Variants in ABCA4 observed in about 807,000 individuals in gnomAD.
ABCA4 encodes ATP binding cassette subfamily A member 4.
Under a neutral mutation model 263.7 loss-of-function variants are expected in ABCA4, and 196 were observed. The ratio of observed to expected loss-of-function variants is 0.74; its 90% CI spans 0.66 to 0.84. The LOEUF (loss-of-function observed/expected upper bound fraction) is 0.84, where lower values mean the gene tolerates loss of function less well. Among genes scored for constraint, ABCA4 ranks in the 40% least tolerant of loss-of-function variants. The pLI, the probability that ABCA4 is intolerant of heterozygous loss-of-function variation, is 0.00. For synonymous variants in ABCA4, 1,133 were observed against 1,094.2 expected, an observed-to-expected ratio of 1.04 and a Z score of -0.70; for missense variants, 2,792 against 2,855.1, an observed-to-expected ratio of 0.98 and a Z score of 0.50.
chr1:94,001,046 C>T lies in ABCA4; in HGVS notation c.6342G>A (p.Val2114=), dbSNP rs61748520. The T allele has an allele frequency of 8.7e-6, 14 of 1,614,078 alleles. No individual in the cohort carries two copies. Among genetic ancestry groups the T allele is most frequent in the African/African-American group, 1.3e-5 (1 of 74,928 alleles). ...CAGCCCTCCCTTCTCTGATGATGCT[C>T]ACGATGACGTTCCACAGCATGCGGC... The part of the protein sequence containing the change: ...QARRMLWNVI[V]SIIREGRAVV... Residue 2114 remains valine (V), a synonymous_variant, in exon 46 of 50, where the codon GTG becomes GTA. Transcript: ENST00000370225.
intron 48 of ABCA4, 84 bp downstream of exon 48, chr1:93,997,777 C>T: frequency 6.4e-7 from 1 of 1,567,922 alleles, no homozygotes; most frequent in Non-Finnish European, 8.7e-7. Flanking sequence ...GAATGTTATG[C>T]CTCCCTCTTA....
chr1:94,011,428 A>AC lies in ABCA4; in HGVS notation c.5461-44dup, dbSNP rs281865391. 791 of 1,610,364 alleles carry AC rather than the reference A, an allele frequency of 4.9e-4. 1 individual carries two copies. The highest frequency in any genetic ancestry group is 6.6e-4 in the Middle Eastern group (4 of 6,052). ...GACTGTTGGAAACGGGGCAAACCCC[A>AC]CCCCCCCTCTCTTCAGCAGGTGGGG... On this transcript the variant is annotated intron_variant, in intron 38 of 49. Transcript: ENST00000370225.
chr1:94,063,009 A>T, intron 12 of ABCA4, 103 bp downstream of exon 12: 1 of 1,227,464 alleles, frequency 8.1e-7, no homozygotes, highest in Non-Finnish European at 1.2e-6. Flanking sequence ...TATTTAACTT[A>T]ATTTTATTGA....
At chr1:94,063,422 G>T in intron 11 of ABCA4, 105 bp from the exon 12 acceptor site, 1 of 1,136,070 alleles carries the variant, frequency 8.8e-7, no homozygotes, top group Non-Finnish European at 1.3e-6. Context: ...CCAGGAAATG[G>T]TCAAATGCAA....
At chr1:93,996,058 C>G (rs1453913365) in intron 49 of ABCA4, 51 bp downstream of exon 49, 6 of 1,556,356 alleles carry the variant, frequency 3.9e-6, no homozygotes, top group Non-Finnish European at 5.3e-6. Context: ...CAGCTGGGCT[C>G]TGAGCCAAGG....
intron 6 of ABCA4, among the ~76,000 whole-genome samples, chr1:94,097,779 T>C (rs1162732145): frequency 1.3e-5 from 2 of 152,198 alleles, no homozygotes; most frequent in African/African-American, 4.8e-5. Flanking sequence ...AGACGGAGTC[T>C]TGCTCTGTCA....
At chr1:94,060,213 A>G (rs1054294319) in intron 14 of ABCA4, among the ~76,000 whole-genome samples, 10 of 152,200 alleles carry the variant, frequency 6.6e-5, no homozygotes, top group Non-Finnish European at 1.3e-4. Context: ...GAAAGAGAAG[A>G]CCACTTTAAT....
At chr1:94,084,150 T>C (rs770083795) in intron 6 of ABCA4, among the ~76,000 whole-genome samples, 1 of 152,200 alleles carries the variant, frequency 6.6e-6, no homozygotes. Flanking sequence ...ACATCTGGTT[T>C]TCTGGAAACC....
chr1:94,004,090 A>G (rs922982198), intron 44 of ABCA4, among the ~76,000 whole-genome samples: 4 of 152,202 alleles, frequency 2.6e-5, no homozygotes, highest in African/African-American at 4.8e-5. Flanking sequence ...CAAAAGCCTG[A>G]GTGCTAAGTG....
In ABCA4 at chr1:94,001,871, G is replaced by C; in HGVS notation, c.6269C>G (p.Pro2090Arg). 1 of 1,614,232 alleles carries C rather than the reference G, an allele frequency of 6.2e-7. No homozygotes were observed. Among genetic ancestry groups the C allele is most frequent in the Non-Finnish European group, 8.5e-7 (1 of 1,180,040 alleles). Reference sequence around the variant, plus strand: ...GCCCGCAGTTACCAGCAGCACCAGCGGTGGGCAGCCAATGAGTGCGATGGC... The same window carrying C: ...GCCCGCAGTTACCAGCAGCACCAGCCGTGGGCAGCCAATGAGTGCGATGGC... ...STAIALIGCPPLVLLDEPTTG... is the reference protein window; with the variant it reads ...STAIALIGCPRLVLLDEPTTG... The change falls in exon 45 of 50, where the codon CCG becomes CGG. Residue 2090 changes from proline to arginine, a missense_variant. By Grantham distance (103) the Pro-to-Arg change is moderately radical. Transcript: ENST00000370225.
Position 94,062,651 on chromosome 1 carries a change from C to T in ABCA4, c.1863G>A (p.Arg621=), listed in dbSNP as rs1557787418. 3 of 1,614,174 alleles carry T rather than the reference C, an allele frequency of 1.9e-6. No individual in the cohort carries two copies. Among genetic ancestry groups the T allele is most frequent in the South Asian group, 1.1e-5 (1 of 91,078 alleles). Residue 621 remains arginine (R), a synonymous_variant, in exon 13 of 50, where the codon AGG becomes AGA. Coordinates refer to ENST00000370225, the MANE Select transcript of ABCA4 (RefSeq NM_000350.3). ...LQDMVEQGIT[R]SQVQAEAPVG... The stretch of plus-strand genomic sequence containing the variant: ...CTGGAGCCTCCGCCTGCACCTGGCT[C>T]CTTGTGATCCCCTGTTCAACCATGT...
intron 45 of ABCA4, chr1:94,001,560 C>G (rs755002307): frequency 1.2e-5 from 7 of 590,102 alleles, no homozygotes; most frequent in African/African-American, 7.3e-5. Context: ...GACCAGACAC[C>G]GACAGGCCGC....
chr1:94,060,524 C>T lies in ABCA4; in HGVS notation c.2160+13G>A. 6.2e-7 allele frequency: 1 copy of T among 1,611,882 alleles called. No individual in the cohort carries two copies. Among genetic ancestry groups the T allele is most frequent in the Non-Finnish European group, 8.5e-7 (1 of 1,178,794 alleles). On this transcript the variant is annotated intron_variant, in intron 14 of 49. Coordinates refer to ENST00000370225, the MANE Select transcript of ABCA4 (RefSeq NM_000350.3). The stretch of plus-strand genomic sequence containing the variant: ...GTATTCAAGATTTTCTGGGCCTTCT[C>T]CATTTGGCTTACCATGATGAATATC...
intron 4 of ABCA4, among the ~76,000 whole-genome samples, chr1:94,108,006 G>A (rs1194073815): frequency 6.6e-6 from 1 of 152,100 alleles, no homozygotes; most frequent in Admixed American, 6.5e-5. Flanking sequence ...TCAGCCCGCT[G>A]CCTGTTGACC....
chr1:94,065,836 C>A (rs1050441916), intron 11 of ABCA4, among the ~76,000 whole-genome samples: 5 of 152,102 alleles, frequency 3.3e-5, no homozygotes, highest in African/African-American at 1.2e-4. Flanking sequence ...TTCAGTGACA[C>A]CATGCTAATG....
chr1:94,032,254 C>T (rs1361542166), intron 26 of ABCA4, among the ~76,000 whole-genome samples: 3 of 152,074 alleles, frequency 2.0e-5, no homozygotes, highest in Non-Finnish European at 4.4e-5. Flanking sequence ...CTGAAATTGC[C>T]TTAAAATTCT....
At chr1:94,011,942 C>T (rs1659558653) in intron 38 of ABCA4, among the ~76,000 whole-genome samples, 5 of 150,106 alleles carry the variant, frequency 3.3e-5, no homozygotes, top group Admixed American at 2.7e-4. Flanking sequence ...CTCTGCTTTT[C>T]AGCCCCTCAC....
At chr1:94,058,030 G>A (rs569957810) in intron 14 of ABCA4, among the ~76,000 whole-genome samples, 1 of 152,194 alleles carries the variant, frequency 6.6e-6, no homozygotes, top group East Asian at 1.9e-4. Flanking sequence ...ATGGGCATGC[G>A]AGAGCTGAGT....
rs764862250 is a variant in ABCA4, at chr1:94,021,918, T to C, written c.4701A>G (p.Pro1567=). Residue 1567 remains proline (P), a synonymous_variant, in exon 33 of 50, where the codon CCA becomes CCG. Transcript: ENST00000370225. ...YGGISIGGKL[P]VVPITGEALV... ...GTGCTTCCCCCGTGATGGGGACGAC[T>C]GGGAGCTTTCCTCCAATGGAAATTC... The C allele has an allele frequency of 1.2e-6, 2 of 1,614,120 alleles. No individual in the cohort carries two copies. The highest frequency in any genetic ancestry group is 4.5e-5 in the East Asian group (2 of 44,890).
Sources: gnomAD v4.1 joint callset for allele counts (sites outside exome capture counted in the v4.1 genomes callset) on GRCh38, gnomAD v4.1.1 for gene constraint, MANE v1.5 for transcripts, NCBI Gene and HGNC (gene_info 2026-07-23, HGNC 2026-07-21) for gene names.